Variants in GON4L observed in about 807,000 individuals in gnomAD.
The protein encoded by GON4L is GON-4-like protein.
In GON4L, 87 loss-of-function variants were observed where a neutral mutation model predicts 211.8. The ratio of observed to expected loss-of-function variants is 0.41; its 90% confidence interval spans 0.35 to 0.49. GON4L has a LOEUF of 0.49. GON4L is among the 20% of genes least tolerant of loss of function. The pLI, the probability that GON4L is intolerant of heterozygous loss-of-function variation, is 0.15. For synonymous variants in GON4L, 875 were observed against 962.6 expected (o/e 0.91, Z 1.68); for missense variants, 2,155 against 2,659.5 (o/e 0.81, Z 4.17).
chr1:155,811,987 G>A (rs914443491), intron 10 of GON4L, among the ~76,000 whole-genome samples: 1 of 151,748 alleles, frequency 6.6e-6, no homozygotes, highest in African/African-American at 2.4e-5. Flanking sequence ...AGGAAGCAGA[G>A]GTGCAGTGAG....
intron 11 of GON4L, among the ~76,000 whole-genome samples, chr1:155,799,530 A>C (rs1666426212): frequency 6.6e-6 from 1 of 152,140 alleles, no homozygotes; most frequent in Admixed American, 6.6e-5. Flanking sequence ...AACCTTTATC[A>C]TGCACTCTTA....
intron 1 of GON4L, among the ~76,000 whole-genome samples, chr1:155,855,237 A>G (rs1184031766): frequency 6.6e-6 from 1 of 152,144 alleles, no homozygotes; most frequent in African/African-American, 2.4e-5. Flanking sequence ...AACCTCTTTT[A>G]CGGTACTTAT....
At chr1:155,773,751 T>C (rs1571693569) in intron 17 of GON4L, among the ~76,000 whole-genome samples, 1 of 152,198 alleles carries the variant, frequency 6.6e-6, no homozygotes, top group Non-Finnish European at 1.5e-5. Context: ...TCTCTCTCCC[T>C]CTCTCAGCCT....
intron 21 of GON4L, 55 bp from the exon 22 acceptor site, chr1:155,763,619 AAAC>A (rs1272594552): frequency 7.1e-7 from 1 of 1,404,354 alleles, no homozygotes; most frequent in Non-Finnish European, 9.5e-7. Context: ...CATGAATTGC[AAAC>A]AACACAAAGC....
At chr1:155,828,331 G>T (rs1669411653) in intron 2 of GON4L, among the ~76,000 whole-genome samples, 1 of 151,218 alleles carries the variant, frequency 6.6e-6, no homozygotes, top group Admixed American at 6.6e-5. Flanking sequence ...TGTAAAAAAA[G>T]AATACAAAAA....
At chr1:155,758,378 C>T (rs1661409554) in intron 24 of GON4L, among the ~76,000 whole-genome samples, 2 of 152,234 alleles carry the variant, frequency 1.3e-5, no homozygotes, top group Admixed American at 6.5e-5. Context: ...CACAAGGTGG[C>T]TCATAGCTGT....
At chr1:155,799,461 T>C (rs1666420610) in intron 11 of GON4L, among the ~76,000 whole-genome samples, 2 of 152,044 alleles carry the variant, frequency 1.3e-5, no homozygotes, top group Non-Finnish European at 2.9e-5. Context: ...AACTGAAGTT[T>C]TATTTTAAGA....
rs1662357313 is a variant in GON4L, at chr1:155,765,515, C to A, written c.3958G>T (p.Asp1320Tyr). The part of the protein sequence containing the change: ...QESLNNPTPG[D>Y]LEEIVKMEPE... ...TCCATCTTGACAATTTCCTCTAAAT[C>A]CCCAGGGGTAGGGTTGTTTAGAGAC... The change falls in exon 21 of 32, where the codon GAT becomes TAT. Residue 1320 changes from aspartate to tyrosine, a missense_variant. Asp to Tyr is a radical substitution (Grantham distance 160, BLOSUM62 -3). Transcript: ENST00000368331. 6.2e-7 allele frequency: 1 copy of A among 1,614,066 alleles called. No homozygotes were observed. The highest frequency in any genetic ancestry group is 1.1e-5 in the South Asian group (1 of 91,086).
chr1:155,745,944 C>T (rs922704781), downstream of GON4L: 7 of 760,276 alleles, frequency 9.2e-6, no homozygotes, highest in African/African-American at 9.2e-5. Context: ...CCCCGAGGAG[C>T]CCTTCGGGAT....
chr1:155,765,351 C>T lies in GON4L; in HGVS notation c.4122G>A (p.Gln1374=). Residue 1374 remains glutamine, a synonymous_variant, in exon 21 of 32, where the codon CAG becomes CAA. Transcript: ENST00000368331. ...TCTCCTCTTCCTTCTGTAAGACTGTCTGTTTCGTTACTTCTCCAGCACTGC... is the reference window on the plus strand; with the variant it reads ...TCTCCTCTTCCTTCTGTAAGACTGTTTGTTTCGTTACTTCTCCAGCACTGC... The part of the protein sequence containing the change: ...ELSSAGEVTK[Q]TVLQKEEERS... 1 of 1,614,164 alleles carries T rather than the reference C, an allele frequency of 6.2e-7. No homozygotes were observed. Among genetic ancestry groups the T allele is most frequent in the Non-Finnish European group, 8.5e-7 (1 of 1,180,012 alleles).
At chr1:155,814,997 C>T (rs1668114762) in intron 8 of GON4L, among the ~76,000 whole-genome samples, 1 of 152,038 alleles carries the variant, frequency 6.6e-6, no homozygotes. Context: ...CCTGTTAATT[C>T]CAGCTACTCA....
chr1:155,811,499 T>C (rs1418157203), intron 10 of GON4L, among the ~76,000 whole-genome samples: 3 of 150,426 alleles, frequency 2.0e-5, no homozygotes, highest in Non-Finnish European at 3.0e-5. Context: ...CTCACGTCTG[T>C]AATCCCAGCA....
intron 3 of GON4L, among the ~76,000 whole-genome samples, chr1:155,826,566 CAAAAA>C (rs58848983): frequency 1.6e-5 from 1 of 63,750 alleles, no homozygotes; most frequent in Non-Finnish European, 3.4e-5. Context: ...AACTCCGTCT[CAAAAA>C]AAAAAAAAAA....
chr1:155,794,974 C>A (rs1045130848), intron 12 of GON4L, 76 bp downstream of exon 12: 34 of 847,368 alleles, frequency 4.0e-5, no homozygotes, highest in Middle Eastern at 2.2e-4. Context: ...CAAACTTCAC[C>A]CCTAAAAATC....
At chr1:155,803,574 T>C (rs1192168133) in intron 11 of GON4L, among the ~76,000 whole-genome samples, 2 of 152,182 alleles carry the variant, frequency 1.3e-5, no homozygotes, top group Non-Finnish European at 2.9e-5. Flanking sequence ...AACTTTTATC[T>C]GATCAATATT....
At chr1:155,844,209 C>T (rs971539981) in intron 2 of GON4L, among the ~76,000 whole-genome samples, 3 of 152,186 alleles carry the variant, frequency 2.0e-5, no homozygotes, top group Non-Finnish European at 4.4e-5. Flanking sequence ...TGGCCACCAA[C>T]ACTAGTCAGA....
chr1:155,839,995 CATT>C (rs1212625318), intron 2 of GON4L, among the ~76,000 whole-genome samples: 1 of 152,220 alleles, frequency 6.6e-6, no homozygotes, highest in African/African-American at 2.4e-5. Context: ...AAGCCTGAGA[CATT>C]AGTCTCTCCT....
chr1:155,768,728 A>G (rs1418541724), intron 19 of GON4L, among the ~76,000 whole-genome samples: 1 of 151,862 alleles, frequency 6.6e-6, no homozygotes, highest in East Asian at 2.0e-4. Flanking sequence ...TATAGGCGTG[A>G]GCCACGGCCC....
At chr1:155,764,594 C>T in intron 21 of GON4L, 3 of 400,744 alleles carry the variant, frequency 7.5e-6, no homozygotes, top group South Asian at 6.7e-5. Flanking sequence ...TGTCCGCCAC[C>T]ATGCCTGGCT....
Sources: gnomAD v4.1 joint callset for allele counts (sites outside exome capture counted in the v4.1 genomes callset) on GRCh38, gnomAD v4.1.1 for gene constraint, MANE v1.5 for transcripts, NCBI Gene and HGNC (gene_info 2026-07-23, HGNC 2026-07-21) for gene names.